The following E2F7 variants were observed in gnomAD, a reference collection of about 807,000 sequenced individuals.
E2F7 encodes the protein transcription factor E2F7.
A neutral mutation model predicts 81.1 loss-of-function variants in E2F7; 35 were observed. That is an observed-to-expected ratio of 0.43 (90% CI 0.33 to 0.57). The LOEUF (loss-of-function observed/expected upper bound fraction) is 0.57. E2F7 is among the 20% of genes least tolerant of loss of function. E2F7 has a pLI of 0.04. For missense variants in E2F7, 961 were observed against 1,093.7 expected (o/e 0.88, Z 1.71); for synonymous variants, 416 against 416.2 (o/e 1.00, Z 0.01).
At chr12:77,064,509 C>T (rs1955102109) in intron 2 of E2F7, 34 bp downstream of exon 2, 1 of 1,556,090 alleles carries the variant, frequency 6.4e-7, no homozygotes, top group South Asian at 1.1e-5. Context: ...CCATCCTTAA[C>T]ATATTAGAAA....
At chr12:77,050,134 T>C (rs985440511) in intron 4 of E2F7, among the ~76,000 whole-genome samples, 1 of 152,194 alleles carries the variant, frequency 6.6e-6, no homozygotes, top group African/African-American at 2.4e-5. Flanking sequence ...AATCATTGTA[T>C]AGGGCTTTAA....
intron 7 of E2F7, among the ~76,000 whole-genome samples, chr12:77,036,935 G>C (rs1349138819): frequency 6.6e-6 from 1 of 152,104 alleles, no homozygotes; most frequent in Non-Finnish European, 1.5e-5. Flanking sequence ...ATTTTTAGTA[G>C]AGATGGGGTT....
chr12:77,063,326 G>C (rs1955093035), intron 2 of E2F7, among the ~76,000 whole-genome samples: 1 of 152,152 alleles, frequency 6.6e-6, no homozygotes. Context: ...GTACGCCAAG[G>C]TTGCTAAGAT....
chr12:77,039,723 A>G (rs527459474), intron 7 of E2F7, among the ~76,000 whole-genome samples: 98 of 152,354 alleles, frequency 6.4e-4, no homozygotes, highest in Non-Finnish European at 1.1e-3. Flanking sequence ...GTAAAATGTT[A>G]TAACTGCTTT....
At chr12:77,038,751 T>G (rs1301824365) in intron 7 of E2F7, among the ~76,000 whole-genome samples, 1 of 152,198 alleles carries the variant, frequency 6.6e-6, no homozygotes, top group Non-Finnish European at 1.5e-5. Flanking sequence ...TATAAAGAGA[T>G]AATCTGAATA....
intron 2 of E2F7, among the ~76,000 whole-genome samples, chr12:77,059,426 T>C (rs1955060735): frequency 6.6e-6 from 1 of 152,216 alleles, no homozygotes; most frequent in Admixed American, 6.5e-5. Context: ...GTTCATTCTG[T>C]CTGGGCCCAG....
At chr12:77,024,440 C>T (rs116812934) in intron 12 of E2F7, among the ~76,000 whole-genome samples, 1,862 of 152,258 alleles carry the variant, frequency 0.012, 41 homozygotes, top group African/African-American at 0.042. Flanking sequence ...AGGGACTGGG[C>T]TCTGCCACTG....
chr12:77,047,639 A>C (rs1954954051), intron 4 of E2F7, among the ~76,000 whole-genome samples: 1 of 152,210 alleles, frequency 6.6e-6, no homozygotes, highest in African/African-American at 2.4e-5. Flanking sequence ...AAAATTTAAC[A>C]TGAGAAATAT....
chr12:77,052,767 C>T (rs924904350), intron 3 of E2F7, among the ~76,000 whole-genome samples: 1 of 151,836 alleles, frequency 6.6e-6, no homozygotes, highest in Non-Finnish European at 1.5e-5. Context: ...AGATACATAA[C>T]ATATATAATA....
chr12:77,060,307 G>A (rs2120759058), intron 2 of E2F7, among the ~76,000 whole-genome samples: 1 of 152,186 alleles, frequency 6.6e-6, no homozygotes, highest in Middle Eastern at 3.4e-3. Flanking sequence ...CCATAGAGTT[G>A]CTGTGATAAT....
At chr12:77,042,880 G>A (rs918317795) in intron 7 of E2F7, among the ~76,000 whole-genome samples, 185 bp downstream of exon 7, 3 of 152,114 alleles carry the variant, frequency 2.0e-5, no homozygotes, top group African/African-American at 7.2e-5. Context: ...TTCCTACCAT[G>A]TGTGGGCAAA....
chr12:77,033,176 A>G, intron 8 of E2F7, 54 bp from the exon 9 acceptor site: 2 of 1,425,208 alleles, frequency 1.4e-6, no homozygotes, highest in Non-Finnish European at 2.0e-6. Context: ...ATACATACCA[A>G]CTATATACTG....
At chr12:77,064,706 A>G (rs1243697284) in intron 1 of E2F7, 71 bp from the exon 2 acceptor site, 5 of 1,264,626 alleles carry the variant, frequency 4.0e-6, no homozygotes, top group Non-Finnish European at 3.5e-6. Context: ...AAATATCTAC[A>G]TATGTGTTAC....
chr12:77,059,579 A>G (rs911743000), intron 2 of E2F7, among the ~76,000 whole-genome samples: 4 of 152,160 alleles, frequency 2.6e-5, no homozygotes, highest in Non-Finnish European at 5.9e-5. Context: ...GCTAGAAGTA[A>G]TGCCAACAGT....
chr12:77,029,751 T>A, intron 10 of E2F7, 80 bp downstream of exon 10: 1 of 1,559,320 alleles, frequency 6.4e-7, no homozygotes, highest in African/African-American at 1.4e-5. Flanking sequence ...CCATTGCTTA[T>A]TAATATCAGT....
intron 5 of E2F7, 147 bp from the exon 6 acceptor site, chr12:77,044,942 A>G: frequency 1.1e-6 from 1 of 926,638 alleles, no homozygotes; most frequent in South Asian, 1.9e-5. Flanking sequence ...TACACATCAC[A>G]GAAGTCAGCT....
At chr12:77,043,337 C>T (rs529480602) in intron 6 of E2F7, 138 bp from the exon 7 acceptor site, 1 of 1,093,908 alleles carries the variant, frequency 9.1e-7, no homozygotes, top group Admixed American at 2.2e-5. Flanking sequence ...AGACCAGTGG[C>T]TCTGTCATAA....
At chr12:77,057,149 T>A (rs980494665) in intron 2 of E2F7, among the ~76,000 whole-genome samples, 1 of 151,956 alleles carries the variant, frequency 6.6e-6, no homozygotes, top group African/African-American at 2.4e-5. Flanking sequence ...AACTCCTGGG[T>A]TCAAGTGATC....
intron 9 of E2F7, 139 bp from the exon 10 acceptor site, chr12:77,030,471 T>C (rs1954797909): frequency 9.3e-7 from 1 of 1,077,126 alleles, no homozygotes; most frequent in Non-Finnish European, 1.3e-6. Flanking sequence ...GCTGAGCACG[T>C]GTTAGCTCAT....
Sources: allele counts gnomAD v4.1 joint callset (sites outside exome capture counted in the v4.1 genomes callset), GRCh38; gene constraint gnomAD v4.1.1; transcripts MANE v1.5; gene names NCBI Gene and HGNC (gene_info 2026-07-23, HGNC 2026-07-21).